The following GPHN variants were observed in gnomAD, a reference collection of about 807,000 sequenced individuals.
GPHN encodes the protein gephyrin.
In GPHN, 17 loss-of-function variants were observed where a neutral mutation model predicts 95.5. The ratio of observed to expected loss-of-function variants is 0.18; its 90% CI spans 0.12 to 0.27. The LOEUF (loss-of-function observed/expected upper bound fraction) is 0.27, where lower values mean the gene tolerates loss of function less well. Among genes scored for constraint, GPHN ranks in the 10% least tolerant of loss-of-function variants. The probability of loss-of-function intolerance (pLI) is 1.00; values close to 1 mark genes in which losing one functional copy is unlikely to be tolerated. For missense variants in GPHN, 660 were observed against 978.1 expected (o/e 0.67, Z 4.34); for synonymous variants, 320 against 322.5 (o/e 0.99, Z 0.08).
At chr14:67,406,057 GA>G in the GPHN span, among the ~76,000 whole-genome samples, 1 of 152,206 alleles carries the variant, frequency 6.6e-6, no homozygotes, top group East Asian at 1.9e-4. Context: ...TCAAGAGTTT[GA>G]GACCAGCCTG....
At chr14:66,665,499 A>G (rs993005904) in intron 1 of GPHN, among the ~76,000 whole-genome samples, 1 of 152,218 alleles carries the variant, frequency 6.6e-6, no homozygotes, top group African/African-American at 2.4e-5. Context: ...ACATGAAAAA[A>G]TGCTCATCAT....
the GPHN span, chr14:67,619,953 T>C: frequency 6.6e-7 from 1 of 1,521,332 alleles, no homozygotes; most frequent in East Asian, 2.5e-5. Context: ...AGCCTCTGCC[T>C]TGGAGATTCT....
intron 1 of GPHN, among the ~76,000 whole-genome samples, chr14:66,531,582 A>T (rs1021419711): frequency 6.6e-6 from 1 of 152,250 alleles, no homozygotes; most frequent in Non-Finnish European, 1.5e-5. Context: ...GAAACTTTTA[A>T]GCAGCTGAAT....
the GPHN span, among the ~76,000 whole-genome samples, chr14:67,452,038 A>C: frequency 6.6e-6 from 1 of 152,166 alleles, no homozygotes; most frequent in Non-Finnish European, 1.5e-5. Context: ...GGTTTTAAGA[A>C]ACGGGAGTTT....
intron 9 of GPHN, among the ~76,000 whole-genome samples, chr14:67,021,039 C>A (rs1461842526): frequency 2.0e-5 from 3 of 151,858 alleles, no homozygotes. Flanking sequence ...CAAGTGTATG[C>A]CATTACATTG....
chr14:66,695,172 T>TAAATAA (rs542212720), intron 2 of GPHN, among the ~76,000 whole-genome samples: 3 of 151,186 alleles, frequency 2.0e-5, no homozygotes, highest in South Asian at 2.1e-4. Flanking sequence ...AAAAAATAAA[T>TAAATAA]AAATAAAAAT....
intron 1 of GPHN, among the ~76,000 whole-genome samples, chr14:66,604,183 A>G (rs936042040): frequency 1.3e-5 from 2 of 152,122 alleles, no homozygotes; most frequent in African/African-American, 4.8e-5. Flanking sequence ...GCTGCAAAGT[A>G]TAGGCAGTAA....
At chr14:66,940,863 C>A (rs1052949722) in intron 8 of GPHN, among the ~76,000 whole-genome samples, 1 of 152,136 alleles carries the variant, frequency 6.6e-6, no homozygotes, top group Non-Finnish European at 1.5e-5. Flanking sequence ...GGAATTGAGT[C>A]CTCCTCCAAC....
intron 17 of GPHN, among the ~76,000 whole-genome samples, chr14:67,137,238 C>T (rs1334395904): frequency 5.3e-5 from 8 of 151,572 alleles, no homozygotes; most frequent in South Asian, 2.1e-4. Context: ...CTCCACCTCC[C>T]AGGTTCATGC....
At chr14:67,724,733 A>T in the GPHN span, 1 of 723,512 alleles carries the variant, frequency 1.4e-6, no homozygotes, top group Non-Finnish European at 2.5e-6. Context: ...TTCAAGTCCA[A>T]CTGTGACACC....
At chr14:67,087,056 A>C (rs909068504) in intron 11 of GPHN, among the ~76,000 whole-genome samples, 104 of 150,090 alleles carry the variant, frequency 6.9e-4, no homozygotes, top group Non-Finnish European at 1.3e-3. Context: ...AAAAAAAAAA[A>C]CTCTCTTCCT....
the GPHN span, among the ~76,000 whole-genome samples, chr14:67,538,746 G>A: frequency 1.3e-5 from 2 of 152,146 alleles, no homozygotes; most frequent in Admixed American, 6.5e-5. Context: ...ACTTGCCAGG[G>A]AGAGGGTGGT....
chr14:66,815,952 G>A (rs775315342), intron 3 of GPHN, among the ~76,000 whole-genome samples: 1 of 152,008 alleles, frequency 6.6e-6, no homozygotes. Flanking sequence ...TCAAAAAAAA[G>A]GGATGGAAAC....
the GPHN span, chr14:67,445,978 A>G: frequency 8.2e-6 from 4 of 485,620 alleles, no homozygotes; most frequent in African/African-American, 7.8e-5. Context: ...AGCCTGTAAG[A>G]AACAGTTCAA....
the GPHN span, among the ~76,000 whole-genome samples, chr14:67,537,537 C>T: frequency 1.2e-3 from 175 of 148,566 alleles, 4 homozygotes; most frequent in Middle Eastern, 0.01. Flanking sequence ...CAGTGGTGCA[C>T]GCCTGTAGTC....
At chr14:67,523,152 G>A in the GPHN span, among the ~76,000 whole-genome samples, 13 of 152,014 alleles carry the variant, frequency 8.6e-5, no homozygotes, top group Non-Finnish European at 1.9e-4. Context: ...GTGAAACCCT[G>A]TCTGTACTAA....
chr14:67,353,000 T>C, the GPHN span: 3 of 1,614,114 alleles, frequency 1.9e-6, no homozygotes, highest in Non-Finnish European at 2.5e-6. Context: ...TTTCGACCTG[T>C]CTGTGCTCCC....
the GPHN span, chr14:67,199,336 C>T: frequency 6.2e-7 from 1 of 1,613,882 alleles, no homozygotes; most frequent in Admixed American, 1.7e-5. Flanking sequence ...CATCAGCTCA[C>T]AACAAAAACC....
At chr14:67,271,904 C>T in the GPHN span, 2 of 152,018 alleles carry the variant, frequency 1.3e-5, no homozygotes, top group African/African-American at 2.4e-5. Flanking sequence ...AGCCCCGTCT[C>T]TACTAAAAAT....
Sources: allele counts gnomAD v4.1 joint callset (sites outside exome capture counted in the v4.1 genomes callset), GRCh38; gene constraint gnomAD v4.1.1; transcripts MANE v1.5; gene names NCBI Gene and HGNC (gene_info 2026-07-23, HGNC 2026-07-21).